Variants in FRAS1 observed in about 807,000 individuals in gnomAD.
The protein encoded by FRAS1 is extracellular matrix organizing protein FRAS1.
A neutral mutation model predicts 435.2 loss-of-function variants in FRAS1; 290 were observed. That is an observed-to-expected ratio of 0.67 (90% CI 0.61 to 0.73). FRAS1 has a LOEUF of 0.73. Ranked by LOEUF, FRAS1 falls within the 30% of genes least tolerant of loss-of-function variation. The pLI is 0.00. For synonymous variants in FRAS1, 1,800 were observed against 1,851.0 expected, an observed-to-expected ratio of 0.97 and a Z score of 0.71; for missense variants, 4,860 against 5,001.5, an observed-to-expected ratio of 0.97 and a Z score of 0.85.
intron 2 of FRAS1, among the ~76,000 whole-genome samples, chr4:78,225,620 C>T (rs1367131306): frequency 1.3e-5 from 2 of 152,176 alleles, no homozygotes; most frequent in Non-Finnish European, 2.9e-5. Context: ...TGTAGTCTTC[C>T]GTATCTGGGT....
chr4:78,366,477 A>G (rs11932185), intron 22 of FRAS1, among the ~76,000 whole-genome samples: 90,554 of 152,060 alleles, frequency 0.6, 27,554 homozygotes, highest in Non-Finnish European at 0.66. Flanking sequence ...TCATTCACAC[A>G]ATTACTGTCA....
intron 2 of FRAS1, among the ~76,000 whole-genome samples, chr4:78,223,678 CCAAA>C (rs1724147755): frequency 6.6e-6 from 1 of 152,100 alleles, no homozygotes; most frequent in Admixed American, 6.6e-5. Context: ...ATTTCACTTG[CCAAA>C]CAGAGCTTCA....
intron 58 of FRAS1, among the ~76,000 whole-genome samples, chr4:78,485,576 T>G (rs1720144524): frequency 6.6e-6 from 1 of 152,222 alleles, no homozygotes; most frequent in South Asian, 2.1e-4. Flanking sequence ...TACTTACTTC[T>G]TCTGGTTATC....
intron 2 of FRAS1, among the ~76,000 whole-genome samples, chr4:78,116,831 T>A (rs1364828502): frequency 6.6e-6 from 1 of 152,226 alleles, no homozygotes; most frequent in Non-Finnish European, 1.5e-5. Flanking sequence ...CCCATTTACA[T>A]TTAAGGTTAA....
intron 47 of FRAS1, among the ~76,000 whole-genome samples, chr4:78,454,730 C>T (rs796730268): frequency 2.0e-5 from 3 of 152,318 alleles, no homozygotes; most frequent in African/African-American, 7.2e-5. Context: ...GCCATTGCCT[C>T]CCTGCTGGTC....
chr4:78,538,226 A>C (rs1025824584), intron 72 of FRAS1, among the ~76,000 whole-genome samples: 1 of 152,240 alleles, frequency 6.6e-6, no homozygotes, highest in Non-Finnish European at 1.5e-5. Flanking sequence ...TCAGTTTAAA[A>C]TGAATTAATA....
rs542402357 is a variant in FRAS1, at chr4:78,067,804, C to T, written c.108+1788C>T. Reference sequence around the variant, plus strand: ...TGCCTCTAGGGTTCAAGTGATTCTCCTGCTTCAGCCTCCCAAGTAGATGGG... The same window carrying T: ...TGCCTCTAGGGTTCAAGTGATTCTCTTGCTTCAGCCTCCCAAGTAGATGGG... On this transcript the variant is annotated intron_variant, in intron 2 of 73. Coordinates refer to ENST00000512123, the MANE Select transcript of FRAS1 (RefSeq NM_025074.7). Among the ~76,000 whole-genome samples the T allele has an allele frequency of 1.3e-5, 2 of 150,296 alleles. 1 individual carries two copies. The highest frequency in any genetic ancestry group is 4.2e-4 in the South Asian group (2 of 4,782).
intron 39 of FRAS1, 22 bp downstream of exon 39, chr4:78,438,740 T>C: frequency 6.4e-7 from 1 of 1,557,526 alleles, no homozygotes; most frequent in Non-Finnish European, 8.7e-7. Flanking sequence ...CTTTGTATTA[T>C]TTGACAGATT....
intron 42 of FRAS1, chr4:78,446,521 A>C: frequency 7.4e-7 from 1 of 1,358,888 alleles, no homozygotes; most frequent in Non-Finnish European, 9.4e-7. Flanking sequence ...TGAAATGTCC[A>C]TCAGCTTCTT....
intron 24 of FRAS1, 128 bp downstream of exon 24, chr4:78,372,986 T>A: frequency 9.6e-7 from 1 of 1,037,404 alleles, no homozygotes; most frequent in Non-Finnish European, 1.4e-6. Flanking sequence ...GTTTCTTTCC[T>A]AAGAGCTATC....
chr4:78,519,782 C>G (rs1210883854), intron 67 of FRAS1, among the ~76,000 whole-genome samples: 1 of 152,098 alleles, frequency 6.6e-6, no homozygotes, highest in Non-Finnish European at 1.5e-5. Context: ...GAATATAACC[C>G]AAATGATTTT....
rs761080022 is a variant in FRAS1 at position 78,464,495 on chromosome 4, T to C, written c.6941T>C (p.Val2314Ala). ...TLHPVDDSLPVVQNLGMRVQE... is the reference protein window; with the variant it reads ...TLHPVDDSLPAVQNLGMRVQE... ...CACCCTGTCGATGATTCGCTGCCCGTCGTACAGAACTTAGGAATGCGGGTG... is the reference window on the plus strand; with the variant it reads ...CACCCTGTCGATGATTCGCTGCCCGCCGTACAGAACTTAGGAATGCGGGTG... Residue 2314 changes from valine to alanine, a missense_variant, in exon 49 of 74, where the codon GTC becomes GCC. Physicochemically the swap from Val to Ala is moderately conservative, Grantham distance 64. Coordinates refer to ENST00000512123, the MANE Select transcript of FRAS1 (RefSeq NM_025074.7). 3 of 1,613,858 alleles carry C rather than the reference T, an allele frequency of 1.9e-6. No homozygotes were observed. In the African/African-American group the frequency reaches 4.0e-5, roughly 22 times the overall value.
chr4:78,374,385 T>C, intron 25 of FRAS1, 134 bp downstream of exon 25: 1 of 810,446 alleles, frequency 1.2e-6, no homozygotes, highest in South Asian at 2.8e-5. Context: ...GCCTAAGTAA[T>C]TGATGGCTTC....
intron 2 of FRAS1, among the ~76,000 whole-genome samples, chr4:78,208,554 G>T (rs1273403652): frequency 1.3e-5 from 2 of 151,942 alleles, no homozygotes; most frequent in Non-Finnish European, 2.9e-5. Context: ...AATGAGGGGA[G>T]AAATCTTCAG....
intron 2 of FRAS1, among the ~76,000 whole-genome samples, chr4:78,158,141 G>A (rs994263404): frequency 6.6e-5 from 10 of 152,232 alleles, no homozygotes; most frequent in African/African-American, 2.4e-4. Flanking sequence ...TTTTGCTTAA[G>A]ATTGCTTTTG....
chr4:78,255,318 T>C lies in FRAS1; in HGVS notation c.546T>C (p.Cys182=). The C allele has an allele frequency of 2.0e-5, 32 of 1,574,416 alleles. No individual in the cohort carries two copies. The highest frequency in any genetic ancestry group is 2.7e-5 in the Non-Finnish European group (31 of 1,159,060). Residue 182 remains cysteine (C), a synonymous_variant, in exon 6 of 74, where the codon TGT becomes TGC. Coordinates refer to ENST00000512123, the MANE Select transcript of FRAS1 (RefSeq NM_025074.7). The stretch of plus-strand genomic sequence containing the variant: ...TGAGCCGGTGTGCCAAATGTCTGTG[T>C]AGAAATGGGGTTGCCCAGTGCTTCA... ...WRLSRCAKCL[C]RNGVAQCFTA... is the part of the protein sequence containing the mutation.
intron 67 of FRAS1, 37 bp downstream of exon 67, chr4:78,519,518 G>A: frequency 6.3e-7 from 1 of 1,588,082 alleles, no homozygotes; most frequent in Non-Finnish European, 8.6e-7. Flanking sequence ...CCTTTAGTTA[G>A]GGCTTCACTC....
chr4:78,450,768 A>G (rs1347034650), intron 45 of FRAS1, among the ~76,000 whole-genome samples: 20 of 152,194 alleles, frequency 1.3e-4, no homozygotes, highest in Admixed American at 1.3e-3. Flanking sequence ...GGAAGGGCAT[A>G]AATCGGAGCT....
chr4:78,421,526 A>G (rs1053231751), intron 33 of FRAS1, among the ~76,000 whole-genome samples: 1 of 152,162 alleles, frequency 6.6e-6, no homozygotes, highest in Non-Finnish European at 1.5e-5. Flanking sequence ...TGCCTTTCCC[A>G]GCCCACTGAC....
Sources: gnomAD v4.1 joint callset for allele counts (sites outside exome capture counted in the v4.1 genomes callset) on GRCh38, gnomAD v4.1.1 for gene constraint, MANE v1.5 for transcripts, NCBI Gene and HGNC (gene_info 2026-07-23, HGNC 2026-07-21) for gene names.